Variants in RSRC1 observed in about 807,000 individuals in gnomAD.
RSRC1 encodes arginine and serine rich coiled-coil 1, also known as serine/Arginine-related protein 53.
In RSRC1, 39 loss-of-function variants were observed where a neutral mutation model predicts 49.1. The observed-to-expected ratio is 0.79, with a 90% confidence interval of 0.61 to 1.04. RSRC1 has a LOEUF of 1.04. Among genes scored for constraint, RSRC1 ranks in the 50% least tolerant of loss-of-function variants. The pLI is 0.00. For missense variants in RSRC1, 388 were observed against 402.4 expected (o/e 0.96, Z 0.31); for synonymous variants, 143 against 130.8 (o/e 1.09, Z -0.63).
Position 158,383,393 on chromosome 3 carries a change from C to T in RSRC1, c.583+28485C>T, listed in dbSNP as rs192731384. The stretch of plus-strand genomic sequence containing the variant: ...GAGTATTCGAGAATACTGGTATCTG[C>T]AGGGAGTCTTGGAATCAATCCTCTG... On this transcript the variant is annotated intron_variant, in intron 6 of 9. Transcript: ENST00000611884. 2.6e-5 allele frequency among the ~76,000 whole-genome samples: 4 copies of T among 152,206 alleles called. No individual in the cohort carries two copies. In the East Asian group the frequency reaches 7.7e-4, roughly 29 times the overall value.
At chr3:158,461,175 C>T (rs1737591738) in intron 7 of RSRC1, among the ~76,000 whole-genome samples, 172 bp downstream of exon 7, 2 of 151,796 alleles carry the variant, frequency 1.3e-5, no homozygotes, top group Non-Finnish European at 2.9e-5. Context: ...TGTTTGCTCT[C>T]ATAAGATTAG....
chr3:158,244,037 T>A (rs1404868604), intron 4 of RSRC1, among the ~76,000 whole-genome samples: 1 of 15,534 alleles, frequency 6.4e-5, no homozygotes. Context: ...GAAGTGGGGT[T>A]TTTTTTTATA....
chr3:158,205,255 G>C (rs538197204), intron 4 of RSRC1, among the ~76,000 whole-genome samples: 2 of 152,210 alleles, frequency 1.3e-5, no homozygotes, highest in African/African-American at 4.8e-5. Flanking sequence ...CCTTTCCCTT[G>C]CTTAGTGCTG....
intron 6 of RSRC1, among the ~76,000 whole-genome samples, chr3:158,376,162 T>G (rs927365976): frequency 3.0e-5 from 1 of 33,288 alleles, no homozygotes; most frequent in Non-Finnish European, 5.8e-5. Context: ...CCTCCCTCCC[T>G]CCCTCCCTTC....
intron 5 of RSRC1, among the ~76,000 whole-genome samples, chr3:158,310,747 A>G (rs1423702820): frequency 2.0e-5 from 3 of 151,974 alleles, no homozygotes; most frequent in Middle Eastern, 3.4e-3. Context: ...AACATTAAAT[A>G]TAAAGTAATG....
intron 1 of RSRC1, 27 bp downstream of exon 1, chr3:158,110,250 A>AGC (rs1349472435): frequency 1.3e-5 from 2 of 152,332 alleles, no homozygotes; most frequent in African/African-American, 4.8e-5. Flanking sequence ...GGGCCTGGGG[A>AGC]GCGGCAGCCG....
intron 4 of RSRC1, among the ~76,000 whole-genome samples, chr3:158,227,614 G>A (rs1722601292): frequency 6.6e-6 from 1 of 152,024 alleles, no homozygotes; most frequent in South Asian, 2.1e-4. Context: ...GGCAAAGGTA[G>A]TTTGAAAACC....
intron 3 of RSRC1, among the ~76,000 whole-genome samples, chr3:158,174,731 A>G (rs1719099507): frequency 6.6e-6 from 1 of 152,068 alleles, no homozygotes; most frequent in Non-Finnish European, 1.5e-5. Context: ...ATTCCATAAT[A>G]TAAACATGCC....
At chr3:158,374,337 A>C (rs1397540673) in intron 6 of RSRC1, among the ~76,000 whole-genome samples, 1 of 152,138 alleles carries the variant, frequency 6.6e-6, no homozygotes, top group Non-Finnish European at 1.5e-5. Flanking sequence ...TAGATAAATT[A>C]ATACAGGAAC....
intron 4 of RSRC1, among the ~76,000 whole-genome samples, chr3:158,234,767 C>A (rs1248264622): frequency 1.3e-5 from 2 of 152,060 alleles, no homozygotes; most frequent in Non-Finnish European, 2.9e-5. Context: ...CAAATAGAAA[C>A]AAACGAAGAT....
intron 7 of RSRC1, among the ~76,000 whole-genome samples, chr3:158,493,104 T>C (rs1398501547): frequency 6.6e-6 from 1 of 152,122 alleles, no homozygotes; most frequent in Non-Finnish European, 1.5e-5. Flanking sequence ...GAATCTTAAG[T>C]AGGGTCACAG....
At chr3:158,458,127 A>G (rs1162889028) in intron 6 of RSRC1, among the ~76,000 whole-genome samples, 3 of 152,050 alleles carry the variant, frequency 2.0e-5, no homozygotes, top group African/African-American at 4.8e-5. Context: ...GGGAGTTGGT[A>G]TGGGGTTATT....
intron 6 of RSRC1, among the ~76,000 whole-genome samples, chr3:158,431,912 G>A (rs1259749766): frequency 6.6e-6 from 1 of 151,904 alleles, no homozygotes; most frequent in Non-Finnish European, 1.5e-5. Context: ...TTTGACCATA[G>A]AATTAATTTT....
chr3:158,258,013 G>C (rs779017650), intron 4 of RSRC1, among the ~76,000 whole-genome samples: 2 of 151,944 alleles, frequency 1.3e-5, no homozygotes, highest in African/African-American at 2.4e-5. Flanking sequence ...TGAGTTGGAA[G>C]GTTGTTAGTA....
intron 4 of RSRC1, among the ~76,000 whole-genome samples, chr3:158,242,032 CTTTTTTTTTTTTTTTTT>C (rs34356543): frequency 1.2e-4 from 8 of 66,616 alleles, no homozygotes; most frequent in Non-Finnish European, 1.5e-4. Flanking sequence ...AATTTCCAAC[CTTTTTTTTTTTTTTTTT>C]TTTTTTTTTA....
intron 5 of RSRC1, among the ~76,000 whole-genome samples, chr3:158,348,277 G>A (rs1431680046): frequency 1.3e-5 from 2 of 152,184 alleles, no homozygotes; most frequent in African/African-American, 4.8e-5. Context: ...ATGGAAGTGA[G>A]AAAGGTAAAC....
At chr3:158,217,703 G>A (rs906764100) in intron 4 of RSRC1, among the ~76,000 whole-genome samples, 3 of 149,918 alleles carry the variant, frequency 2.0e-5, no homozygotes, top group African/African-American at 7.4e-5. Flanking sequence ...TTCATTCCAT[G>A]GTGATGGATA....
At chr3:158,367,985 C>T (rs1226337127) in intron 6 of RSRC1, among the ~76,000 whole-genome samples, 1 of 152,018 alleles carries the variant, frequency 6.6e-6, no homozygotes, top group Non-Finnish European at 1.5e-5. Flanking sequence ...TTTGTTTTAA[C>T]ATCAGTTACA....
Position 158,417,610 on chromosome 3 carries a change from G to C in RSRC1, c.584-43325G>C, listed in dbSNP as rs536773196. 2.0e-4 allele frequency among the ~76,000 whole-genome samples: 31 copies of C among 152,046 alleles called. 1 individual carries two copies. In the South Asian group the frequency reaches 6.2e-3, roughly 31 times the overall value. Reference sequence around the variant, plus strand: ...TATAGTGCATCTGAATGATTGGGTAGAGGAACTTAAATTAGCTGATTACAC... The same window carrying C: ...TATAGTGCATCTGAATGATTGGGTACAGGAACTTAAATTAGCTGATTACAC... On this transcript the variant is annotated intron_variant, in intron 6 of 9. Transcript: ENST00000611884.
Sources: allele counts gnomAD v4.1 joint callset (sites outside exome capture counted in the v4.1 genomes callset), GRCh38; gene constraint gnomAD v4.1.1; transcripts MANE v1.5; gene names NCBI Gene and HGNC (gene_info 2026-07-23, HGNC 2026-07-21).